RSRC2: variants seen among roughly 807,000 people sequenced by gnomAD.
The protein encoded by RSRC2 is arginine/serine-rich coiled-coil protein 2.
In RSRC2, 5 loss-of-function variants were observed where a neutral mutation model predicts 61.3. The observed-to-expected ratio is 0.08, with a 90% CI of 0.04 to 0.17. The LOEUF (loss-of-function observed/expected upper bound fraction) is 0.17. RSRC2 is among the 10% of genes least tolerant of loss of function. The pLI, the probability that RSRC2 is intolerant of heterozygous loss-of-function variation, is 1.00. For missense variants in RSRC2, 381 were observed against 518.8 expected (o/e 0.73, Z 2.58); for synonymous variants, 202 against 166.5 (o/e 1.21, Z -1.64).
At position 122,517,352 on chromosome 12, in the gene RSRC2, GCTT is replaced by G. The variant is rs780816673; in HGVS notation, c.474_476del (p.Arg158del). 2.0e-5 allele frequency: 32 copies of G among 1,613,740 alleles called. No individual in the cohort carries two copies. The highest frequency in any genetic ancestry group is 2.5e-5 in the Non-Finnish European group (30 of 1,179,846). ...TGGATCTCGATTTCTTCCTCTCTCT[GCTT>G]CTGGATCTCGATTTCTTCCGCTCCC... On this transcript the variant is annotated inframe_deletion, in exon 5 of 10. Transcript: ENST00000331738.
chr12:122,511,246 A>C (rs1958487020), intron 6 of RSRC2, 58 bp from the exon 7 acceptor site: 3 of 1,294,478 alleles, frequency 2.3e-6, no homozygotes, highest in Non-Finnish European at 3.3e-6. Context: ...TTATGTATAT[A>C]TCTCTCTATA....
intron 5 of RSRC2, 124 bp from the exon 6 acceptor site, chr12:122,515,351 G>T: frequency 2.2e-6 from 2 of 893,718 alleles, no homozygotes; most frequent in Non-Finnish European, 3.4e-6. Context: ...AGATGCAAAA[G>T]ATTTAAAACA....
intron 9 of RSRC2, among the ~76,000 whole-genome samples, chr12:122,506,036 C>T (rs1482402063): frequency 2.0e-5 from 3 of 152,102 alleles, no homozygotes; most frequent in African/African-American, 7.2e-5. Flanking sequence ...GCCGCCTGCC[C>T]CCCGGCCTCC....
At chr12:122,517,074 T>A (rs976985310) in intron 5 of RSRC2, among the ~76,000 whole-genome samples, 153 bp downstream of exon 5, 1 of 152,228 alleles carries the variant, frequency 6.6e-6, no homozygotes, top group Non-Finnish European at 1.5e-5. Context: ...AGTGGTTAGG[T>A]GTGTTCTTCA....
chr12:122,517,457 A>G (rs750030493), intron 4 of RSRC2, 27 bp from the exon 5 acceptor site: 27 of 1,613,492 alleles, frequency 1.7e-5, no homozygotes, highest in Non-Finnish European at 2.3e-5. Flanking sequence ...CAAATTTGTA[A>G]TTACTTAAAA....
At chr12:122,526,714 G>C in intron 1 of RSRC2, 134 bp downstream of exon 1, 1 of 999,908 alleles carries the variant, frequency 1.0e-6, no homozygotes, top group Non-Finnish European at 1.6e-6. Flanking sequence ...AGCCATGATG[G>C]CGGGCGCAGA....
intron 7 of RSRC2, among the ~76,000 whole-genome samples, chr12:122,510,655 A>G (rs1958438359): frequency 6.6e-6 from 1 of 152,226 alleles, no homozygotes; most frequent in Non-Finnish European, 1.5e-5. Context: ...AAGTGAGAAC[A>G]CTAAAATACA....
Position 122,504,295 on chromosome 12 carries a change from C to CA in RSRC2, c.*1231_*1232insT, listed in dbSNP as rs1958002756. On this transcript the variant is annotated 3_prime_UTR_variant, in exon 10 of 10. Coordinates refer to ENST00000331738, the MANE Select transcript of RSRC2 (RefSeq NM_023012.6). ...TAACTTCAAGTTTTGCAGGCCCCCC[C>CA]CACCCCTTGGCTCCAGATTTATGTT... The CA allele has an allele frequency of 6.6e-6, 1 of 152,150 alleles. No homozygotes were observed. The highest frequency in any genetic ancestry group is 1.5e-5 in the Non-Finnish European group (1 of 68,068). The allele number at this position is 152,150 out of a possible 1,614,324, so 9.4% of individuals were successfully genotyped here.
At chr12:122,516,742 G>T (rs756580876) in intron 5 of RSRC2, among the ~76,000 whole-genome samples, 1 of 152,128 alleles carries the variant, frequency 6.6e-6, no homozygotes, top group Non-Finnish European at 1.5e-5. Context: ...ACCCAGACTG[G>T]AGTGCAACAG....
At chr12:122,509,835 TTTTTG>T (rs1279836839) in intron 7 of RSRC2, among the ~76,000 whole-genome samples, 1 of 152,072 alleles carries the variant, frequency 6.6e-6, no homozygotes, top group African/African-American at 2.4e-5. Flanking sequence ...TTGTTTTTTG[TTTTTG>T]TTTTTTTCTT....
At chr12:122,507,856 G>GATCTCGGTGGTCGCCGTAT in intron 8 of RSRC2, 1 of 268,218 alleles carries the variant, frequency 3.7e-6, no homozygotes, top group Middle Eastern at 1.4e-3. Context: ...TGGCTAAGTG[G>GATCTCGGTGGTCGCCGTAT]CATGATCTTG....
intron 6 of RSRC2, among the ~76,000 whole-genome samples, chr12:122,513,035 GA>G (rs1338716205): frequency 6.6e-6 from 1 of 151,292 alleles, no homozygotes; most frequent in Non-Finnish European, 1.5e-5. Flanking sequence ...CTATTAAAAA[GA>G]AAACAAAAAT....
rs372301095 is a variant in RSRC2 at position 122,518,823 on chromosome 12, A to G, written c.398+16T>C. On this transcript the variant is annotated intron_variant, in intron 4 of 9. Transcript: ENST00000331738. ...ACTTGTTAGAAGGTACTACATTATA[A>G]TACAACATGACTTACCTTTCACGAG... is the stretch of plus-strand genomic sequence containing the variant. 2 of 1,599,710 alleles carry G rather than the reference A, an allele frequency of 1.3e-6. No homozygotes were observed.
intron 6 of RSRC2, among the ~76,000 whole-genome samples, chr12:122,514,203 G>A (rs999795922): frequency 2.0e-5 from 3 of 151,012 alleles, no homozygotes; most frequent in Non-Finnish European, 4.4e-5. Context: ...GTCGTGCTGT[G>A]TGTGGTTTCA....
At position 122,518,800 on chromosome 12, in the gene RSRC2, T is replaced by C. The variant is rs753457351; in HGVS notation, c.398+39A>G. ...GGGTCAATGAGAAACTTTATGTAAC[T>C]TGTTAGAAGGTACTACATTATAATA... On this transcript the variant is annotated intron_variant, in intron 4 of 9. Coordinates refer to ENST00000331738, the MANE Select transcript of RSRC2 (RefSeq NM_023012.6). 2.7e-6 allele frequency: 4 copies of C among 1,498,386 alleles called. No individual in the cohort carries two copies. The East Asian group carries it at 6.8e-5, about 25-fold the overall frequency. 92.8% of individuals were successfully genotyped at this position (1,498,386 alleles called of 1,614,324 possible).
chr12:122,510,664 C>G (rs1958439068), intron 7 of RSRC2, among the ~76,000 whole-genome samples: 2 of 152,160 alleles, frequency 1.3e-5, no homozygotes, highest in African/African-American at 4.8e-5. Flanking sequence ...CACTAAAATA[C>G]ACGTTTACAG....
At chr12:122,511,379 T>C (rs969060258) in intron 6 of RSRC2, among the ~76,000 whole-genome samples, 191 bp from the exon 7 acceptor site, 1 of 152,168 alleles carries the variant, frequency 6.6e-6, no homozygotes, top group Non-Finnish European at 1.5e-5. Context: ...ATTTGAAGAA[T>C]ACCACAACAG....
At chr12:122,512,060 C>A (rs973386560) in intron 6 of RSRC2, among the ~76,000 whole-genome samples, 1 of 152,188 alleles carries the variant, frequency 6.6e-6, no homozygotes, top group South Asian at 2.1e-4. Context: ...CCCGCCTTGG[C>A]CTCCCGAAGT....
chr12:122,510,431 G>C (rs1359337470), intron 7 of RSRC2, among the ~76,000 whole-genome samples: 2 of 152,196 alleles, frequency 1.3e-5, no homozygotes, highest in Non-Finnish European at 2.9e-5. Context: ...AGGGGAGGCT[G>C]AGGCGGAGAA....
Sources: gnomAD v4.1 joint callset for allele counts (sites outside exome capture counted in the v4.1 genomes callset) on GRCh38, gnomAD v4.1.1 for gene constraint, MANE v1.5 for transcripts, NCBI Gene and HGNC (gene_info 2026-07-23, HGNC 2026-07-21) for gene names.